The following PREX1 variants were observed in gnomAD, a reference collection of about 807,000 sequenced individuals.
PREX1 encodes the protein phosphatidylinositol 3,4,5-trisphosphate-dependent Rac exchanger 1 protein.
In PREX1, 41 loss-of-function variants were observed where a neutral mutation model predicts 198.3. The ratio of observed to expected loss-of-function variants is 0.21; its 90% CI spans 0.16 to 0.27. The LOEUF is 0.27. Among genes scored for constraint, PREX1 ranks in the 10% least tolerant of loss-of-function variants. The pLI is 1.00. For missense variants in PREX1, 1,620 were observed against 2,200.7 expected (o/e 0.74, Z 5.28); for synonymous variants, 843 against 887.2 (o/e 0.95, Z 0.89).
intron 1 of PREX1, among the ~76,000 whole-genome samples, chr20:48,825,754 G>A (rs2090505939): frequency 2.0e-5 from 3 of 151,822 alleles, no homozygotes; most frequent in African/African-American, 7.3e-5. Context: ...GGCTCAGAAG[G>A]AGAAGTCAGG....
chr20:48,749,755 T>G (rs1186652052), intron 1 of PREX1, among the ~76,000 whole-genome samples: 1 of 152,214 alleles, frequency 6.6e-6, no homozygotes, highest in Non-Finnish European at 1.5e-5. Flanking sequence ...TCAGCCAGTC[T>G]TGGGGCTTTA....
intron 15 of PREX1, among the ~76,000 whole-genome samples, chr20:48,665,823 A>C (rs2089635839): frequency 6.6e-6 from 1 of 152,138 alleles, no homozygotes; most frequent in Non-Finnish European, 1.5e-5. Flanking sequence ...CTCCCAATGG[A>C]AAGAAAAGTC....
chr20:48,820,716 GA>G (rs1176446976), intron 1 of PREX1, among the ~76,000 whole-genome samples: 4 of 152,178 alleles, frequency 2.6e-5, no homozygotes, highest in Non-Finnish European at 5.9e-5. Context: ...AACTGGGGAA[GA>G]GGGGTCCTAC....
upstream of PREX1, among the ~76,000 whole-genome samples, chr20:48,830,919 G>A (rs2090535911): frequency 6.6e-6 from 1 of 152,188 alleles, no homozygotes. Context: ...GAATCTAATA[G>A]GATGCATTTG....
chr20:48,875,884 T>C, the PREX1 span, among the ~76,000 whole-genome samples: 2 of 151,900 alleles, frequency 1.3e-5, no homozygotes, highest in Non-Finnish European at 2.9e-5. Flanking sequence ...GCCCAGCTGG[T>C]GTGGAGAAGA....
chr20:48,653,753 A>T (rs1200636038), intron 19 of PREX1, among the ~76,000 whole-genome samples: 1 of 152,240 alleles, frequency 6.6e-6, no homozygotes, highest in East Asian at 1.9e-4. Flanking sequence ...GATCCGATTC[A>T]GGCCCGTTTC....
intron 14 of PREX1, among the ~76,000 whole-genome samples, chr20:48,670,384 G>A (rs2089667610): frequency 6.6e-6 from 1 of 152,054 alleles, no homozygotes; most frequent in Admixed American, 6.6e-5. Flanking sequence ...GGGCATTCCA[G>A]GTGCATTTCT....
intron 1 of PREX1, among the ~76,000 whole-genome samples, chr20:48,781,726 C>G (rs955084814): frequency 6.6e-6 from 1 of 152,194 alleles, no homozygotes; most frequent in African/African-American, 2.4e-5. Flanking sequence ...GGGACTCCCC[C>G]TTCCTCTTCT....
chr20:48,773,698 A>T (rs757978713), intron 1 of PREX1, among the ~76,000 whole-genome samples: 1 of 152,176 alleles, frequency 6.6e-6, no homozygotes, highest in Non-Finnish European at 1.5e-5. Context: ...GCAGGAAGAA[A>T]CGAGGCAAGA....
intron 3 of PREX1, among the ~76,000 whole-genome samples, chr20:48,741,561 G>A (rs1287182332): frequency 1.3e-5 from 2 of 152,182 alleles, no homozygotes; most frequent in African/African-American, 2.4e-5. Context: ...AGACAGAGCA[G>A]TGAACATGAC....
the PREX1 span, among the ~76,000 whole-genome samples, chr20:48,847,837 T>A: frequency 6.6e-6 from 1 of 152,278 alleles, no homozygotes; most frequent in Non-Finnish European, 1.5e-5. Context: ...AAATTAGTTT[T>A]GCCTGCCATG....
At position 48,690,620 on chromosome 20, in the gene PREX1, G is replaced by C. The variant is rs544684657; in HGVS notation, c.1186+327C>G. On this transcript the variant is annotated intron_variant, in intron 9 of 39. Transcript: ENST00000371941. The stretch of plus-strand genomic sequence containing the variant: ...GACCCTCCTCCCAGAATTAGATTCA[G>C]TGAATATCAAATAAAACCTCAGGCG... Among the ~76,000 whole-genome samples the C allele has an allele frequency of 2.1e-3, 316 of 152,256 alleles. 2 individuals carry two copies. The highest frequency in any genetic ancestry group is 7.3e-3 in the African/African-American group (304 of 41,550).
At position 48,691,025 on chromosome 20, in the gene PREX1, A is replaced by C; in HGVS notation, c.1108T>G (p.Phe370Val). 1.2e-5 allele frequency: 19 copies of C among 1,614,092 alleles called. No homozygotes were observed. The highest frequency in any genetic ancestry group is 1.6e-5 in the Non-Finnish European group (19 of 1,180,030). The change falls in exon 9 of 40, where the codon TTT becomes GTT. Residue 370 changes from phenylalanine (F) to valine (V), a missense_variant. Phe to Val is a conservative substitution (Grantham distance 50, BLOSUM62 -1). This residue lies in a region of PREX1 where 488 missense variants were observed against 802.5 expected (regional missense o/e 0.61). Coordinates refer to ENST00000371941, the MANE Select transcript of PREX1 (RefSeq NM_020820.4). This position sits in a 1 kb window ranked among gnomAD's most constrained non-coding sequence, Gnocchi z 5.0. ...KIHNTAKNKW[F>V]VCMAKTAEEK... is the part of the protein sequence containing the mutation. Reference sequence around the variant, plus strand: ...TCTGCCGTCTTGGCCATGCAGACAAACCACTTATTCTTGGCCGTGTTGTGG... The same window carrying C: ...TCTGCCGTCTTGGCCATGCAGACAACCCACTTATTCTTGGCCGTGTTGTGG...
intron 1 of PREX1, among the ~76,000 whole-genome samples, chr20:48,811,622 A>ACC (rs145554231): frequency 8.3e-6 from 1 of 120,496 alleles, no homozygotes; most frequent in African/African-American, 4.0e-5. Context: ...CTGGATACAC[A>ACC]CCCCCCCACA....
At chr20:48,656,935 G>A (rs1263693947) in intron 18 of PREX1, 105 bp downstream of exon 18, 2 of 1,354,528 alleles carry the variant, frequency 1.5e-6, no homozygotes, top group Non-Finnish European at 2.0e-6. Context: ...CTCCAACAAT[G>A]GGTCCCAGCC....
At chr20:48,783,785 CACCACTA>C (rs2090300442) in intron 1 of PREX1, among the ~76,000 whole-genome samples, 2 of 152,298 alleles carry the variant, frequency 1.3e-5, no homozygotes, top group South Asian at 2.1e-4. Flanking sequence ...GTATCCACTT[CACCACTA>C]CCTGTTACCC....
chr20:48,628,026 C>T (rs889973431), intron 37 of PREX1, 63 bp from the exon 38 acceptor site: 7 of 1,019,546 alleles, frequency 6.9e-6, no homozygotes, highest in South Asian at 1.4e-5. Flanking sequence ...GGGAGGACAG[C>T]GGGAGTCAGA....
At chr20:48,860,833 CAAAA>C in the PREX1 span, among the ~76,000 whole-genome samples, 2 of 110,816 alleles carry the variant, frequency 1.8e-5, no homozygotes, top group Non-Finnish European at 3.8e-5. Context: ...GACTCTGCCT[CAAAA>C]AAAAAAAAAA....
intron 15 of PREX1, among the ~76,000 whole-genome samples, chr20:48,665,043 C>A (rs2089627318): frequency 6.9e-6 from 1 of 145,798 alleles, no homozygotes; most frequent in Non-Finnish European, 1.5e-5. Context: ...AATCCCGACT[C>A]CAGACGGCCT....
Sources: gnomAD v4.1 joint callset for allele counts (sites outside exome capture counted in the v4.1 genomes callset) on GRCh38, gnomAD v4.1.1 for gene constraint, gnomAD v4.1.1 regional missense constraint, Gnocchi (gnomAD v3.1) non-coding constraint, MANE v1.5 for transcripts, NCBI Gene and HGNC (gene_info 2026-07-23, HGNC 2026-07-21) for gene names.